The following CPPED1 variants were observed in gnomAD, a reference collection of about 807,000 sequenced individuals.
CPPED1 encodes the protein serine/threonine-protein phosphatase CPPED1.
A neutral mutation model predicts 28.0 loss-of-function variants in CPPED1; 28 were observed. That is an observed-to-expected ratio of 1.00 (90% confidence interval 0.74 to 1.37). The LOEUF (loss-of-function observed/expected upper bound fraction) is 1.37, where lower values mean the gene tolerates loss of function less well. Among genes scored for constraint, CPPED1 ranks in the 40% most tolerant of loss-of-function variants. CPPED1 has a pLI of 0.00. For missense variants in CPPED1, 504 were observed against 416.5 expected, an observed-to-expected ratio of 1.21 and a Z score of -1.83; for synonymous variants, 198 against 180.2, an observed-to-expected ratio of 1.10 and a Z score of -0.79.
chr16:12,684,519 C>T (rs529383996), intron 3 of CPPED1, among the ~76,000 whole-genome samples: 6 of 152,322 alleles, frequency 3.9e-5, no homozygotes, highest in African/African-American at 1.2e-4. Flanking sequence ...GTGGCTCCAG[C>T]CTCTGCCCAT....
chr16:12,763,233 G>GA (rs749737070), intron 2 of CPPED1, among the ~76,000 whole-genome samples: 1,437 of 128,404 alleles, frequency 0.011, 19 homozygotes, highest in African/African-American at 0.035. Context: ...ACTCCACCTT[G>GA]AAAAAAAAAA....
chr16:12,700,534 G>A (rs1182266946), intron 3 of CPPED1, among the ~76,000 whole-genome samples: 1 of 152,190 alleles, frequency 6.6e-6, no homozygotes, highest in African/African-American at 2.4e-5. Context: ...GGGATTACAG[G>A]TGGGCACCAC....
chr16:12,674,415 A>C (rs938368773), intron 3 of CPPED1, among the ~76,000 whole-genome samples: 2 of 152,140 alleles, frequency 1.3e-5, no homozygotes, highest in African/African-American at 2.4e-5. Flanking sequence ...CCAGGTCCAG[A>C]AGAAGCCTGG....
In CPPED1 at chr16:12,706,863, G is replaced by A. The variant is rs375473247; in HGVS notation, c.290-1814C>T. Among the ~76,000 whole-genome samples, 6 of 152,300 alleles carry A rather than the reference G, an allele frequency of 3.9e-5. No individual in the cohort carries two copies. The East Asian group carries it at 5.8e-4, about 15-fold the overall frequency. On this transcript the variant is annotated intron_variant, in intron 2 of 3. Transcript: ENST00000381774. The stretch of plus-strand genomic sequence containing the variant: ...CAGCCTTTCCCGAGCCCATTCCACT[G>A]GTGTCCAGAGGTGAGAGGTGGCTGC...
rs191429519 is a variant in CPPED1 at position 12,738,210 on chromosome 16, A to C, written c.290-33161T>G. Among the ~76,000 whole-genome samples the C allele has an allele frequency of 9.9e-4, 151 of 152,324 alleles. 2 individuals carry two copies. In the Middle Eastern group the frequency reaches 0.024, roughly 24 times the overall value. On this transcript the variant is annotated intron_variant, in intron 2 of 3. Transcript: ENST00000381774. ...AGCCGTTCACAATGATGCTTGTAAT[A>C]ATAAGGAGGTTGTTGATATTATATG...
rs1013302286 is a variant in CPPED1 at position 12,682,764 on chromosome 16, T to C, written c.716-17649A>G. ...TAAGTATCTGATCAGAAGATCTTTT[T>C]CTTTTCATTTGCACAAATTACATCT... On this transcript the variant is annotated intron_variant, in intron 3 of 3. Coordinates refer to ENST00000381774, the MANE Select transcript of CPPED1 (RefSeq NM_018340.3). The surrounding 1 kb of genome is among the most constrained non-coding windows in gnomAD (Gnocchi z 6.1). 6.6e-6 allele frequency among the ~76,000 whole-genome samples: 1 copy of C among 152,274 alleles called. No homozygotes were observed. The highest frequency in any genetic ancestry group is 2.4e-5 in the African/African-American group (1 of 41,480).
chr16:12,731,583 C>A (rs1284122249), intron 2 of CPPED1, among the ~76,000 whole-genome samples: 1 of 151,860 alleles, frequency 6.6e-6, no homozygotes, highest in Non-Finnish European at 1.5e-5. Context: ...TCTGGGGAAT[C>A]TGAGAGCCAA....
chr16:12,777,780 A>T (rs563380643), intron 2 of CPPED1, among the ~76,000 whole-genome samples: 4 of 152,182 alleles, frequency 2.6e-5, no homozygotes, highest in Admixed American at 2.6e-4. Flanking sequence ...CTAACACTGT[A>T]ATTGGCACTT....
chr16:12,706,649 T>C (rs551039837), intron 2 of CPPED1, among the ~76,000 whole-genome samples: 1 of 151,302 alleles, frequency 6.6e-6, no homozygotes, highest in African/African-American at 2.4e-5. Flanking sequence ...CTGGAATGAA[T>C]GTTTGGACTG....
Position 12,792,699 on chromosome 16 carries a change from G to A in CPPED1, c.70+11008C>T, listed in dbSNP as rs1026942509. 7.2e-5 allele frequency among the ~76,000 whole-genome samples: 11 copies of A among 152,034 alleles called. No individual in the cohort carries two copies. In the South Asian group the frequency reaches 1.2e-3, roughly 17 times the overall value. On this transcript the variant is annotated intron_variant, in intron 1 of 3. Coordinates refer to ENST00000381774, the MANE Select transcript of CPPED1 (RefSeq NM_018340.3). ...GGGGCTGGTCTTTCCCATGCTGTTC[G>A]CATGATAGTGAATAAGTCTCACGAG...
intron 1 of CPPED1, among the ~76,000 whole-genome samples, chr16:12,802,385 TG>T (rs1204671420): frequency 6.6e-6 from 1 of 152,174 alleles, no homozygotes; most frequent in African/African-American, 2.4e-5. Flanking sequence ...GCGGATCACC[TG>T]ATGTTGTGAG....
intron 2 of CPPED1, among the ~76,000 whole-genome samples, chr16:12,706,557 A>G (rs560719911): frequency 5.5e-3 from 48 of 8,718 alleles, no homozygotes; most frequent in African/African-American, 0.028. Context: ...ATTTTCACCG[A>G]AAAAAAAAAA....
At chr16:12,678,261 C>A (rs1238429420) in intron 3 of CPPED1, among the ~76,000 whole-genome samples, 1 of 152,200 alleles carries the variant, frequency 6.6e-6, no homozygotes, top group Non-Finnish European at 1.5e-5. Context: ...GTCAACTATT[C>A]TATAAGTAAG....
At chr16:12,736,619 A>C (rs1157042171) in intron 2 of CPPED1, among the ~76,000 whole-genome samples, 1 of 152,218 alleles carries the variant, frequency 6.6e-6, no homozygotes, top group African/African-American at 2.4e-5. Flanking sequence ...CATAGAAGTG[A>C]ATACAAAGAA....
intron 1 of CPPED1, among the ~76,000 whole-genome samples, chr16:12,788,613 A>G (rs1567307026): frequency 6.6e-6 from 1 of 152,148 alleles, no homozygotes; most frequent in Admixed American, 6.5e-5. Flanking sequence ...GGCATGCCTC[A>G]AGTTCAAGGT....
At chr16:12,758,449 G>C (rs796592965) in intron 2 of CPPED1, among the ~76,000 whole-genome samples, 5 of 152,288 alleles carry the variant, frequency 3.3e-5, no homozygotes, top group African/African-American at 1.2e-4. Context: ...AAATGGCAGA[G>C]AACCTATCCA....
chr16:12,763,733 C>T (rs917229637), intron 2 of CPPED1, among the ~76,000 whole-genome samples: 2 of 152,184 alleles, frequency 1.3e-5, no homozygotes, highest in Non-Finnish European at 2.9e-5. Flanking sequence ...ACATCACAGG[C>T]CAGTTCTCAA....
Position 12,803,884 on chromosome 16 carries a change from T to C in CPPED1, c.-108A>G. 2 of 860,964 alleles carry C rather than the reference T, an allele frequency of 2.3e-6. No individual in the cohort carries two copies. Among genetic ancestry groups the C allele is most frequent in the South Asian group, 1.9e-5 (1 of 54,026 alleles). 53.3% of individuals were successfully genotyped at this position (860,964 alleles called of 1,614,324 possible). On this transcript the variant is annotated 5_prime_UTR_variant, in exon 1 of 4. Coordinates refer to ENST00000381774, the MANE Select transcript of CPPED1 (RefSeq NM_018340.3). ...TCCCGCTTTGGGCGACGCCCTTTGA[T>C]CTCGGGGCGGGACTGGGGCGGGACG...
chr16:12,770,024 A>C (rs2080460775), intron 2 of CPPED1, among the ~76,000 whole-genome samples: 1 of 152,202 alleles, frequency 6.6e-6, no homozygotes, highest in South Asian at 2.1e-4. Context: ...CTACTTTAAT[A>C]TGAACAAAAC....
Sources: gnomAD v4.1 joint callset for allele counts (sites outside exome capture counted in the v4.1 genomes callset) on GRCh38, gnomAD v4.1.1 for gene constraint, Gnocchi (gnomAD v3.1) non-coding constraint, MANE v1.5 for transcripts, NCBI Gene and HGNC (gene_info 2026-07-23, HGNC 2026-07-21) for gene names.